The following TRIM44 variants were observed in gnomAD, a reference collection of about 807,000 sequenced individuals.
TRIM44 encodes the protein tripartite motif-containing protein 44.
A neutral mutation model predicts 37.4 loss-of-function variants in TRIM44; 13 were observed. That is an observed-to-expected ratio of 0.35 (90% confidence interval 0.23 to 0.55). The LOEUF is 0.55. TRIM44 is among the 20% of genes least tolerant of loss of function. The pLI is 0.89. For synonymous variants in TRIM44, 175 were observed against 157.2 expected (o/e 1.11, Z -0.85); for missense variants, 426 against 437.2 (o/e 0.97, Z 0.23).
intron 4 of TRIM44, among the ~76,000 whole-genome samples, chr11:35,805,859 G>T (rs1025599610): frequency 2.6e-5 from 4 of 152,186 alleles, no homozygotes; most frequent in Non-Finnish European, 5.9e-5. Flanking sequence ...GGTGGCATAT[G>T]TCCCTATGGC....
At chr11:35,786,931 G>A (rs145534815) in intron 4 of TRIM44, among the ~76,000 whole-genome samples, 1 of 151,902 alleles carries the variant, frequency 6.6e-6, no homozygotes, top group South Asian at 2.1e-4. Flanking sequence ...GTAGGAGGTG[G>A]GCTGACGCTT....
rs3740798 is a variant in TRIM44 at position 35,685,232 on chromosome 11, G to C, written c.670-27G>C. ...TGAGAGAGCAACAAAATGCTGTCTA[G>C]TGACCCCTCACTTTTCTTTCTTCTA... On this transcript the variant is annotated intron_variant, in intron 1 of 4. Coordinates refer to ENST00000299413, the MANE Select transcript of TRIM44 (RefSeq NM_017583.6). 0.15 allele frequency: 238,105 copies of C among 1,596,814 alleles called. 18,953 individuals are homozygous for C. Among genetic ancestry groups the C allele is most frequent in the Non-Finnish European group, 0.16 (188,942 of 1,165,148 alleles).
rs1853510361 is a variant in TRIM44, at chr11:35,810,107, C to A, written c.*3722C>A. The A allele has an allele frequency of 6.6e-6, 1 of 152,136 alleles. No individual in the cohort carries two copies. The highest frequency in any genetic ancestry group is 1.5e-5 in the Non-Finnish European group (1 of 68,032). 9.4% of individuals were successfully genotyped at this position (152,136 alleles called of 1,614,324 possible). ...CTGAAGGAAATTGCACTCCAGCCCTCCTCCAGGATGTCTAATAAGATGGGA... is the reference window on the plus strand; with the variant it reads ...CTGAAGGAAATTGCACTCCAGCCCTACTCCAGGATGTCTAATAAGATGGGA... On this transcript the variant is annotated 3_prime_UTR_variant, in exon 5 of 5. Coordinates refer to ENST00000299413, the MANE Select transcript of TRIM44 (RefSeq NM_017583.6).
chr11:35,772,945 G>T (rs1214949081), intron 4 of TRIM44, among the ~76,000 whole-genome samples: 1 of 152,182 alleles, frequency 6.6e-6, no homozygotes, highest in African/African-American at 2.4e-5. Flanking sequence ...GTGTCCCCAT[G>T]CAAATCTCAT....
At chr11:35,672,443 A>G (rs1246257952) in intron 1 of TRIM44, among the ~76,000 whole-genome samples, 2 of 152,236 alleles carry the variant, frequency 1.3e-5, no homozygotes, top group African/African-American at 2.4e-5. Flanking sequence ...GAGTCTTACA[A>G]AGTGGCAAAG....
At chr11:35,749,608 C>T (rs775458898) in intron 4 of TRIM44, among the ~76,000 whole-genome samples, 3 of 152,176 alleles carry the variant, frequency 2.0e-5, no homozygotes, top group African/African-American at 4.8e-5. Context: ...TTGCTTGAAC[C>T]GCGAGGCGGG....
chr11:35,671,967 C>T (rs912913803), intron 1 of TRIM44, among the ~76,000 whole-genome samples: 1 of 152,168 alleles, frequency 6.6e-6, no homozygotes, highest in Non-Finnish European at 1.5e-5. Flanking sequence ...GTGGGATTCT[C>T]TTACTCTGAC....
At chr11:35,748,668 A>C (rs1852524331) in intron 4 of TRIM44, among the ~76,000 whole-genome samples, 1 of 152,246 alleles carries the variant, frequency 6.6e-6, no homozygotes, top group Non-Finnish European at 1.5e-5. Flanking sequence ...ATTTATAATA[A>C]AAAGGAAAAT....
At chr11:35,720,549 C>T (rs1279070087) in intron 2 of TRIM44, among the ~76,000 whole-genome samples, 1 of 151,690 alleles carries the variant, frequency 6.6e-6, no homozygotes, top group Non-Finnish European at 1.5e-5. Flanking sequence ...TGACTTGCTG[C>T]GTAAGCTAGG....
intron 4 of TRIM44, among the ~76,000 whole-genome samples, chr11:35,785,115 A>T (rs1371132867): frequency 6.6e-6 from 1 of 152,242 alleles, no homozygotes; most frequent in Non-Finnish European, 1.5e-5. Flanking sequence ...ATTCTATAGA[A>T]CCAAGTATAC....
intron 2 of TRIM44, among the ~76,000 whole-genome samples, chr11:35,709,909 A>G (rs1207593425): frequency 6.6e-6 from 1 of 152,230 alleles, no homozygotes; most frequent in Non-Finnish European, 1.5e-5. Context: ...GAATCACAGC[A>G]GATTCAGAGA....
chr11:35,703,719 A>G (rs982498332), intron 2 of TRIM44, among the ~76,000 whole-genome samples: 1 of 152,208 alleles, frequency 6.6e-6, no homozygotes. Flanking sequence ...ATAGAAGGAA[A>G]ACTAACAAAC....
chr11:35,670,376 C>G (rs2135483056), intron 1 of TRIM44, among the ~76,000 whole-genome samples: 1 of 152,308 alleles, frequency 6.6e-6, no homozygotes, highest in Non-Finnish European at 1.5e-5. Flanking sequence ...CTATCCAGGA[C>G]TTCACATTAC....
intron 2 of TRIM44, among the ~76,000 whole-genome samples, chr11:35,718,706 G>C (rs1368225770): frequency 6.6e-6 from 1 of 152,044 alleles, no homozygotes. Context: ...AAAATCCTCT[G>C]TGCTCTGCCT....
Position 35,809,097 on chromosome 11 carries a change from A to G in TRIM44, c.*2712A>G, listed in dbSNP as rs906089609. ...GGATGCTGAGAGGGACTTTGATTTGATATCATTAAATCCAGGACAGTCCCA... is the reference window on the plus strand; with the variant it reads ...GGATGCTGAGAGGGACTTTGATTTGGTATCATTAAATCCAGGACAGTCCCA... On this transcript the variant is annotated 3_prime_UTR_variant, in exon 5 of 5. Transcript: ENST00000299413. The G allele has an allele frequency of 6.6e-6, 1 of 152,192 alleles. No individual in the cohort carries two copies. The highest frequency in any genetic ancestry group is 2.4e-5 in the African/African-American group (1 of 41,440). The allele number at this position is 152,192 out of a possible 1,614,324, so 9.4% of individuals were successfully genotyped here.
At position 35,814,488 on chromosome 11, in the gene TRIM44, A is replaced by G. The variant is rs1853558555; in HGVS notation, c.*8103A>G. The G allele has an allele frequency of 6.6e-6, 1 of 152,166 alleles. No individual in the cohort carries two copies. The highest frequency in any genetic ancestry group is 2.1e-4 in the South Asian group (1 of 4,830). 9.4% of individuals were successfully genotyped at this position (152,166 alleles called of 1,614,324 possible). ...AGATAGGATTCATTTCTCATGGATT[A>G]TTGAGCACTCTGGGGTAACCTGGCC... On this transcript the variant is annotated 3_prime_UTR_variant, in exon 5 of 5. Coordinates refer to ENST00000299413, the MANE Select transcript of TRIM44 (RefSeq NM_017583.6).
chr11:35,781,124 G>A (rs1853059838), intron 4 of TRIM44, among the ~76,000 whole-genome samples: 1 of 152,100 alleles, frequency 6.6e-6, no homozygotes, highest in South Asian at 2.1e-4. Flanking sequence ...GGCCAAGGAG[G>A]TCACTTTTGA....
At chr11:35,774,428 C>G (rs1201430259) in intron 4 of TRIM44, among the ~76,000 whole-genome samples, 1 of 152,162 alleles carries the variant, frequency 6.6e-6, no homozygotes, top group African/African-American at 2.4e-5. Flanking sequence ...TGCCTGTTCA[C>G]TCTGATGGTA....
intron 4 of TRIM44, among the ~76,000 whole-genome samples, chr11:35,767,856 T>A (rs1243263868): frequency 6.6e-6 from 1 of 152,216 alleles, no homozygotes; most frequent in African/African-American, 2.4e-5. Flanking sequence ...GCCTAGCACA[T>A]AGATGCTCAC....
Sources: allele counts gnomAD v4.1 joint callset (sites outside exome capture counted in the v4.1 genomes callset), GRCh38; gene constraint gnomAD v4.1.1; transcripts MANE v1.5; gene names NCBI Gene and HGNC (gene_info 2026-07-23, HGNC 2026-07-21).